The following ZNF358 variants were observed in gnomAD, a reference collection of about 807,000 sequenced individuals.
The protein encoded by ZNF358 is zinc finger protein 358.
A neutral mutation model predicts 2.1 loss-of-function variants in ZNF358; 1 was observed. That is an observed-to-expected ratio of 0.49 (90% CI 0.17 to 2.30). ZNF358 has a LOEUF of 2.30. ZNF358 is among the 30% of genes most tolerant of loss of function. The pLI is 0.26. For synonymous variants in ZNF358, 381 were observed against 359.7 expected, an observed-to-expected ratio of 1.06 and a Z score of -0.67; for missense variants, 665 against 806.8, an observed-to-expected ratio of 0.82 and a Z score of 2.13.
At chr19:7,518,573 AAG>A (rs1568394076) in intron 1 of ZNF358, among the ~76,000 whole-genome samples, 2 of 145,954 alleles carry the variant, frequency 1.4e-5, no homozygotes, top group African/African-American at 5.2e-5. Context: ...GAAAGAAAGA[AAG>A]AAAGAAAGAA....
chr19:7,520,034 GT>G lies in ZNF358; in HGVS notation c.793del (p.Cys265AlafsTer160). 1 of 1,541,360 alleles carries G rather than the reference GT, an allele frequency of 6.5e-7. No homozygotes were observed. Among genetic ancestry groups the G allele is most frequent in the Non-Finnish European group, 8.7e-7 (1 of 1,151,266 alleles). On this transcript the variant is annotated frameshift_variant, in exon 2 of 2. Transcript: ENST00000597229. LOFTEE classifies it low-confidence loss of function (END_TRUNC). This position sits in a 1 kb window ranked among gnomAD's most constrained non-coding sequence, Gnocchi z 6.0. Reference sequence around the variant, plus strand: ...CGCACGGCGGCCCGCGGCCCCACAAGTGCCCGGTGTGCGCCAAGGGCTTCGG... The same window carrying G: ...CGCACGGCGGCCCGCGGCCCCACAAGGCCCGGTGTGCGCCAAGGGCTTCGG... ...RTHGGPRPHKCPVCAKGFGQG... is the reference protein window; with the variant it reads ...RTHGGPRPHKXPVCAKGFGQG...
intron 1 of ZNF358, among the ~76,000 whole-genome samples, chr19:7,517,003 G>C (rs1298614318): frequency 6.6e-6 from 1 of 152,154 alleles, no homozygotes; most frequent in Non-Finnish European, 1.5e-5. Context: ...GGCTCTGTTT[G>C]CCTGCACACT....
chr19:7,520,542 C>T lies in ZNF358; in HGVS notation c.1300C>T (p.Gln434Ter). The change falls in exon 2 of 2, where the codon CAG becomes TAG. Residue 434 changes from glutamine to a stop codon, truncating the protein, a stop_gained. Coordinates refer to ENST00000597229, the MANE Select transcript of ZNF358 (RefSeq NM_018083.5). LOFTEE classifies it low-confidence loss of function (END_TRUNC). This position sits in a 1 kb window ranked among gnomAD's most constrained non-coding sequence, Gnocchi z 6.0. ...LSPASMMRPG[Q>*]VSLLGPDAVS... is the part of the protein sequence containing the mutation. Reference sequence around the variant, plus strand: ...CCCTGCATCCATGATGAGGCCGGGGCAGGTCTCCCTCCTGGGTCCTGATGC... The same window carrying T: ...CCCTGCATCCATGATGAGGCCGGGGTAGGTCTCCCTCCTGGGTCCTGATGC... 1.6e-6 allele frequency: 2 copies of T among 1,251,498 alleles called. No individual in the cohort carries two copies. The highest frequency in any genetic ancestry group is 2.3e-6 in the Non-Finnish European group (2 of 874,138). 77.5% of individuals were successfully genotyped at this position (1,251,498 alleles called of 1,614,324 possible).
At chr19:7,514,578 G>C (rs796183002), upstream of ZNF358, among the ~76,000 whole-genome samples, 3 of 152,290 alleles carry the variant, frequency 2.0e-5, no homozygotes, top group African/African-American at 7.2e-5. Flanking sequence ...GGAGGACATG[G>C]GGACAGAGGA....
chr19:7,518,555 G>GAC (rs3029869), intron 1 of ZNF358, among the ~76,000 whole-genome samples: 1 of 136,826 alleles, frequency 7.3e-6, no homozygotes, highest in African/African-American at 3.0e-5. Flanking sequence ...AAGAGAGAGA[G>GAC]AGAGAAAGAA....
chr19:7,516,910 C>T lies in ZNF358; in HGVS notation c.-39+661C>T, dbSNP rs1341558822. The stretch of plus-strand genomic sequence containing the variant: ...GAGGCAATCTAAGGGTTCCTCTGCC[C>T]CTGATGCAGGAGGGGTCCCAGGTCT... On this transcript the variant is annotated intron_variant, in intron 1 of 1. Transcript: ENST00000597229. The surrounding 1 kb of genome is among the most constrained non-coding windows in gnomAD (Gnocchi z 5.9). 1.3e-5 allele frequency among the ~76,000 whole-genome samples: 2 copies of T among 152,130 alleles called. No individual in the cohort carries two copies. The highest frequency in any genetic ancestry group is 4.8e-5 in the African/African-American group (2 of 41,430).
At chr19:7,515,061 C>CG (rs2022317737), upstream of ZNF358, among the ~76,000 whole-genome samples, 1 of 152,040 alleles carries the variant, frequency 6.6e-6, no homozygotes, top group Non-Finnish European at 1.5e-5. Context: ...GAATTGTCGT[C>CG]GGTAAGAAGT....
chr19:7,519,839 C>T lies in ZNF358; in HGVS notation c.597C>T (p.Gly199=), dbSNP rs745938442. Reference sequence around the variant, plus strand: ...GTGCCACCCTGGCTCAGCACCGTGGCATCCACACTGGGGCGCGGCCGTACC... The same window carrying T: ...GTGCCACCCTGGCTCAGCACCGTGGTATCCACACTGGGGCGCGGCCGTACC... The part of the protein sequence containing the change: ...SHGATLAQHR[G]IHTGARPYQC... Residue 199 remains glycine, a synonymous_variant, in exon 2 of 2, where the codon GGC becomes GGT. Coordinates refer to ENST00000597229, the MANE Select transcript of ZNF358 (RefSeq NM_018083.5). The T allele has an allele frequency of 7.2e-5, 110 of 1,532,394 alleles. No individual in the cohort carries two copies. Among genetic ancestry groups the T allele is most frequent in the East Asian group, 1.5e-4 (6 of 40,676 alleles). The allele number at this position is 1,532,394 out of a possible 1,614,324, so 94.9% of individuals were successfully genotyped here. A position where few individuals can be genotyped will look rare whatever the true frequency, so the allele number is the denominator to read the frequency against.
In ZNF358 at chr19:7,519,270, C is replaced by A; in HGVS notation, c.28C>A (p.Pro10Thr). 2 of 1,613,914 alleles carry A rather than the reference C, an allele frequency of 1.2e-6. No homozygotes were observed. The highest frequency in any genetic ancestry group is 1.7e-5 in the Admixed American group (1 of 59,974). The part of the protein sequence containing the change: MRRSVLVRN[P>T]GHKGLRPVYE... ...GCGGCGCTCAGTCCTGGTCAGGAAC[C>A]CAGGCCACAAAGGCCTGAGACCCGT... Residue 10 changes from proline (P) to threonine (T), a missense_variant, in exon 2 of 2, where the codon CCA (proline) becomes ACA (threonine). By Grantham distance (38) the Pro-to-Thr change is conservative. Coordinates refer to ENST00000597229, the MANE Select transcript of ZNF358 (RefSeq NM_018083.5).
In ZNF358 at chr19:7,521,009, C is replaced by T; in HGVS notation, c.*60C>T. 2 of 1,564,244 alleles carry T rather than the reference C, an allele frequency of 1.3e-6. No homozygotes were observed. The highest frequency in any genetic ancestry group is 1.7e-6 in the Non-Finnish European group (2 of 1,152,776). ...TTGTGTGTTGTGCAGTCAGTAAAAT[C>T]CTCCCACTGCCTCCGGGCTCTGTGT... On this transcript the variant is annotated 3_prime_UTR_variant, in exon 2 of 2. Transcript: ENST00000597229.
intron 1 of ZNF358, among the ~76,000 whole-genome samples, chr19:7,518,387 G>A (rs948679908): frequency 1.1e-4 from 16 of 151,830 alleles, no homozygotes; most frequent in African/African-American, 3.9e-4. Flanking sequence ...AAGGCCAGAG[G>A]TTTGCTTGAG....
Position 7,520,428 on chromosome 19 carries a change from G to C in ZNF358, c.1186G>C (p.Val396Leu). Reference protein sequence around the residue: ...QASSLTKHKRVHEGAAAAAAA... With the variant: ...QASSLTKHKRLHEGAAAAAAA... The stretch of plus-strand genomic sequence containing the variant: ...CTCCAGCCTCACCAAGCACAAACGG[G>C]TGCATGAGGGTGCAGCCGCTGCTGC... Residue 396 changes from valine (V) to leucine (L), a missense_variant, in exon 2 of 2, where the codon GTG (valine) becomes CTG (leucine). Around this residue, in one of 3 missense-constraint regions of ZNF358, gnomAD observed 210 missense variants for 350.8 expected, o/e 0.60. Transcript: ENST00000597229. This position sits in a 1 kb window ranked among gnomAD's most constrained non-coding sequence, Gnocchi z 6.0. 1.2e-6 allele frequency: 2 copies of C among 1,605,318 alleles called. No homozygotes were observed. Among genetic ancestry groups the C allele is most frequent in the Non-Finnish European group, 1.7e-6 (2 of 1,177,362 alleles).
rs1309028905 is a variant in ZNF358, at chr19:7,520,290, C to G, written c.1048C>G (p.Pro350Ala). ...IHTGERPYAC[P>A]HCSKAFGQSS... Reference sequence around the variant, plus strand: ...CACGGGCGAGCGGCCCTACGCCTGCCCGCACTGCTCCAAGGCCTTCGGCCA... The same window carrying G: ...CACGGGCGAGCGGCCCTACGCCTGCGCGCACTGCTCCAAGGCCTTCGGCCA... The change falls in exon 2 of 2, where the codon CCG becomes GCG. Residue 350 changes from proline to alanine, a missense_variant. Coordinates refer to ENST00000597229, the MANE Select transcript of ZNF358 (RefSeq NM_018083.5). The surrounding 1 kb of genome is among the most constrained non-coding windows in gnomAD (Gnocchi z 6.0). The G allele has an allele frequency of 5.0e-6, 8 of 1,610,606 alleles. No homozygotes were observed. Among genetic ancestry groups the G allele is most frequent in the Non-Finnish European group, 6.8e-6 (8 of 1,179,620 alleles).
chr19:7,515,999 G>A (rs1430955660), upstream of ZNF358: 2 of 151,306 alleles, frequency 1.3e-5, no homozygotes, highest in Non-Finnish European at 2.9e-5. Flanking sequence ...GGCCTGGCCG[G>A]GGACAAAGGC....
intron 1 of ZNF358, among the ~76,000 whole-genome samples, chr19:7,518,588 A>AAAGAAAGAAAGAAAGAAAGG (rs2022392054): frequency 6.7e-6 from 1 of 150,050 alleles, no homozygotes; most frequent in Non-Finnish European, 1.5e-5. Flanking sequence ...AGAAAGAAAG[A>AAAGAAAGAAAGAAAGAAAGG]AAGAAAGAAA....
intron 1 of ZNF358, 46 bp from the exon 2 acceptor site, chr19:7,519,159 C>G (rs1486093280): frequency 6.6e-7 from 1 of 1,521,018 alleles, no homozygotes; most frequent in Non-Finnish European, 8.8e-7. Context: ...CACCCCCGCT[C>G]CCACAGAACC....
chr19:7,515,824 G>T (rs28555154), upstream of ZNF358, among the ~76,000 whole-genome samples: 1,747 of 152,170 alleles, frequency 0.011, 25 homozygotes, highest in African/African-American at 0.039. Flanking sequence ...GAGATAGAGA[G>T]ATAGGGACGG....
chr19:7,517,894 G>A (rs2032538433), intron 1 of ZNF358, among the ~76,000 whole-genome samples: 1 of 152,212 alleles, frequency 6.6e-6, no homozygotes, highest in African/African-American at 2.4e-5. Flanking sequence ...GGGTTCTAGA[G>A]CTCAGAATGC....
intron 1 of ZNF358, among the ~76,000 whole-genome samples, chr19:7,518,571 G>GAAAT (rs1304020295): frequency 7.0e-6 from 1 of 142,238 alleles, no homozygotes; most frequent in Non-Finnish European, 1.5e-5. Context: ...AAGAAAGAAA[G>GAAAT]AAAGAAAGAA....
Sources: gnomAD v4.1 joint callset for allele counts (sites outside exome capture counted in the v4.1 genomes callset) on GRCh38, gnomAD v4.1.1 for gene constraint, gnomAD v4.1.1 regional missense constraint, Gnocchi (gnomAD v3.1) non-coding constraint, MANE v1.5 for transcripts, NCBI Gene and HGNC (gene_info 2026-07-23, HGNC 2026-07-21) for gene names.